The following SLC30A7 variants were observed in gnomAD, a reference collection of about 807,000 sequenced individuals.
SLC30A7 encodes solute carrier family 30 member 7, also known as zinc transporter 7.
A neutral mutation model predicts 46.0 loss-of-function variants in SLC30A7; 35 were observed. The ratio of observed to expected loss-of-function variants is 0.76; its 90% CI spans 0.58 to 1.01. The LOEUF is 1.01. Among genes scored for constraint, SLC30A7 ranks in the 50% least tolerant of loss-of-function variants. SLC30A7 has a pLI of 0.00. For synonymous variants in SLC30A7, 147 were observed against 157.8 expected (o/e 0.93, Z 0.51); for missense variants, 464 against 451.1 (o/e 1.03, Z -0.26).
intron 8 of SLC30A7, among the ~76,000 whole-genome samples, chr1:100,924,656 A>C (rs1420284969): frequency 6.7e-6 from 1 of 148,236 alleles, no homozygotes; most frequent in Non-Finnish European, 1.5e-5. Context: ...CAGCACCTAA[A>C]TCTCCCTGGC....
chr1:100,919,041 T>C (rs1296566296), intron 7 of SLC30A7, among the ~76,000 whole-genome samples: 1 of 152,226 alleles, frequency 6.6e-6, no homozygotes, highest in Non-Finnish European at 1.5e-5. Flanking sequence ...ATGTAGTTTT[T>C]CCAAGAATAA....
chr1:100,985,849 T>C (rs945727372), downstream of SLC30A7, among the ~76,000 whole-genome samples: 4 of 152,192 alleles, frequency 2.6e-5, no homozygotes, highest in African/African-American at 9.7e-5. Flanking sequence ...TTTAAAACGT[T>C]TGCTTTATCA....
At chr1:100,909,222 T>G (rs1651918932) in intron 3 of SLC30A7, among the ~76,000 whole-genome samples, 1 of 152,136 alleles carries the variant, frequency 6.6e-6, no homozygotes, top group Admixed American at 6.6e-5. Flanking sequence ...TAGGGTTGAA[T>G]TCTCATAACC....
At chr1:100,947,881 T>G (rs1177476257) in intron 8 of SLC30A7, among the ~76,000 whole-genome samples, 2 of 152,202 alleles carry the variant, frequency 1.3e-5, no homozygotes, top group African/African-American at 4.8e-5. Context: ...CCTGCTCTTT[T>G]TTTGCTTGCC....
At chr1:100,921,280 A>G (rs946891885) in intron 7 of SLC30A7, among the ~76,000 whole-genome samples, 4 of 152,130 alleles carry the variant, frequency 2.6e-5, no homozygotes, top group African/African-American at 9.7e-5. Flanking sequence ...AATTGTAATC[A>G]CCAGCAGAGG....
Position 100,948,239 on chromosome 1 carries a change from G to A in SLC30A7, c.843-13589G>A, listed in dbSNP as rs568621972. On this transcript the variant is annotated intron_variant, in intron 8 of 10. Transcript: ENST00000357650. ...TCCTTCAGGAACTCTTGTAAGGCAG[G>A]CCCACAGAATCTCTCCACATTTGCT... Among the ~76,000 whole-genome samples, 12 of 152,168 alleles carry A rather than the reference G, an allele frequency of 7.9e-5. No homozygotes were observed. The South Asian group carries it at 2.5e-3, about 32-fold the overall frequency.
chr1:100,987,375 A>G, the SLC30A7 span, among the ~76,000 whole-genome samples: 1 of 152,150 alleles, frequency 6.6e-6, no homozygotes, highest in African/African-American at 2.4e-5. Context: ...AAATAGCTTG[A>G]TATTTCCCCA....
At chr1:100,982,846 A>G (rs1444986536), downstream of SLC30A7, among the ~76,000 whole-genome samples, 1 of 152,134 alleles carries the variant, frequency 6.6e-6, no homozygotes, top group Non-Finnish European at 1.5e-5. Flanking sequence ...TGCTAGATTG[A>G]GACTCCCTAC....
chr1:100,952,693 C>A (rs1655021538), intron 8 of SLC30A7, among the ~76,000 whole-genome samples: 1 of 152,180 alleles, frequency 6.6e-6, no homozygotes, highest in Non-Finnish European at 1.5e-5. Context: ...AGTTCCTAAA[C>A]CAAATCCTGG....
At chr1:100,957,532 A>T (rs1414407209) in intron 8 of SLC30A7, among the ~76,000 whole-genome samples, 2 of 152,170 alleles carry the variant, frequency 1.3e-5, no homozygotes, top group East Asian at 1.9e-4. Flanking sequence ...CTACTCCTTC[A>T]TTTTATAGAT....
At chr1:100,974,273 A>G (rs1558012120) in intron 10 of SLC30A7, among the ~76,000 whole-genome samples, 2 of 152,336 alleles carry the variant, frequency 1.3e-5, no homozygotes, top group East Asian at 3.9e-4. Context: ...GTGTGTTTGT[A>G]TGCTAATAGA....
chr1:100,915,262 T>C (rs1652463471), intron 6 of SLC30A7, among the ~76,000 whole-genome samples: 1 of 150,078 alleles, frequency 6.7e-6, no homozygotes, highest in Non-Finnish European at 1.5e-5. Flanking sequence ...TCTTCCTTTC[T>C]TTCTTTCTTT....
intron 2 of SLC30A7, among the ~76,000 whole-genome samples, chr1:100,900,152 G>T (rs906042287): frequency 2.6e-5 from 4 of 152,078 alleles, no homozygotes; most frequent in African/African-American, 9.7e-5. Context: ...CATCACACTG[G>T]TTTTTTCTAG....
chr1:100,896,746 T>A, intron 2 of SLC30A7, 75 bp downstream of exon 2: 1 of 1,265,632 alleles, frequency 7.9e-7, no homozygotes, highest in Non-Finnish European at 1.1e-6. Flanking sequence ...TAATGCCACG[T>A]AGCTCCTCAC....
At chr1:100,920,938 T>A (rs1044210192) in intron 7 of SLC30A7, among the ~76,000 whole-genome samples, 2 of 152,070 alleles carry the variant, frequency 1.3e-5, no homozygotes, top group African/African-American at 2.4e-5. Context: ...ATAATTTGTC[T>A]CAGTTGAGTT....
At chr1:100,956,055 C>T (rs1655202288) in intron 8 of SLC30A7, among the ~76,000 whole-genome samples, 1 of 151,762 alleles carries the variant, frequency 6.6e-6, no homozygotes, top group East Asian at 1.9e-4. Flanking sequence ...TTCCAAATTT[C>T]AGTATAAGCA....
chr1:100,931,707 A>G (rs960496705), intron 8 of SLC30A7, among the ~76,000 whole-genome samples: 1 of 152,198 alleles, frequency 6.6e-6, no homozygotes, highest in Non-Finnish European at 1.5e-5. Context: ...TTAAAATACT[A>G]CCAATTTGTA....
chr1:100,990,517 T>A, the SLC30A7 span: 4 of 1,614,062 alleles, frequency 2.5e-6, no homozygotes, highest in Non-Finnish European at 3.4e-6. Context: ...GATCAAGGAA[T>A]GCAATGGTTC....
rs1570598493 is a variant in SLC30A7, at chr1:100,971,363, T to C, written c.1084-3447T>C. On this transcript the variant is annotated intron_variant, in intron 10 of 10. Transcript: ENST00000357650. ...TTTAATGTTTCCTAAGTATTGATTT[T>C]GGTTGCCTGCTCTGCAGTTTTTCCT... Among the ~76,000 whole-genome samples, 2 of 152,136 alleles carry C rather than the reference T, an allele frequency of 1.3e-5. 1 individual carries two copies. Among genetic ancestry groups the C allele is most frequent in the East Asian group, 3.8e-4 (2 of 5,198 alleles).
Sources: allele counts gnomAD v4.1 joint callset (sites outside exome capture counted in the v4.1 genomes callset), GRCh38; gene constraint gnomAD v4.1.1; transcripts MANE v1.5; gene names NCBI Gene and HGNC (gene_info 2026-07-23, HGNC 2026-07-21).